DCC: variants seen among roughly 807,000 people sequenced by gnomAD.
DCC encodes the protein DCC netrin 1 receptor, also known as netrin receptor DCC.
A neutral mutation model predicts 172.5 loss-of-function variants in DCC; 58 were observed. The observed-to-expected ratio is 0.34, with a 90% CI of 0.27 to 0.42. DCC has a LOEUF of 0.42. DCC is among the 10% of genes least tolerant of loss of function. DCC has a pLI of 1.00. For missense variants in DCC, 1,740 were observed against 1,791.0 expected (o/e 0.97, Z 0.51); for synonymous variants, 709 against 644.5 (o/e 1.10, Z -1.52).
At chr18:53,391,613 GTATT>G (rs1568101875) in intron 16 of DCC, 38 bp from the exon 17 acceptor site, 1 of 1,246,260 alleles carries the variant, frequency 8.0e-7, no homozygotes, top group African/African-American at 1.5e-5. Flanking sequence ...TTTTATTTAC[GTATT>G]TATTTGTTTG....
intron 15 of DCC, among the ~76,000 whole-genome samples, chr18:53,349,724 T>G (rs948382132): frequency 6.6e-6 from 1 of 152,132 alleles, no homozygotes; most frequent in Non-Finnish European, 1.5e-5. Context: ...ACTCCCTTTT[T>G]TAAAACCATC....
intron 2 of DCC, among the ~76,000 whole-genome samples, chr18:52,774,979 C>T (rs2037404110): frequency 6.6e-6 from 1 of 152,122 alleles, no homozygotes; most frequent in African/African-American, 2.4e-5. Context: ...GAGAGAAAGT[C>T]TGGGGCTTTT....
intron 12 of DCC, among the ~76,000 whole-genome samples, chr18:53,252,605 T>C (rs1374086893): frequency 1.3e-5 from 2 of 151,908 alleles, no homozygotes; most frequent in African/African-American, 4.8e-5. Context: ...ATAGCAACAA[T>C]GAGGTGTGAA....
intron 15 of DCC, among the ~76,000 whole-genome samples, chr18:53,372,415 T>C (rs2058068358): frequency 6.6e-6 from 1 of 151,826 alleles, no homozygotes; most frequent in African/African-American, 2.4e-5. Context: ...AGTAAGAACA[T>C]ATGAACACAA....
At chr18:53,370,163 T>C (rs1198012226) in intron 15 of DCC, among the ~76,000 whole-genome samples, 4 of 151,826 alleles carry the variant, frequency 2.6e-5, no homozygotes, top group Non-Finnish European at 4.4e-5. Context: ...GATTTTCTAT[T>C]GTGATTTAGT....
chr18:53,376,261 G>A (rs1236564364), intron 15 of DCC, among the ~76,000 whole-genome samples: 1 of 152,000 alleles, frequency 6.6e-6, no homozygotes, highest in East Asian at 1.9e-4. Context: ...GTGGGTGCCT[G>A]TACTCCCAGC....
intron 2 of DCC, among the ~76,000 whole-genome samples, chr18:52,830,970 T>C (rs1228121260): frequency 1.3e-5 from 2 of 152,064 alleles, no homozygotes; most frequent in African/African-American, 4.8e-5. Context: ...ATGAGTGTAA[T>C]GAAGAAACTA....
chr18:53,465,641 A>T (rs1487620672), intron 24 of DCC, among the ~76,000 whole-genome samples: 1 of 152,056 alleles, frequency 6.6e-6, no homozygotes, highest in Non-Finnish European at 1.5e-5. Context: ...CAAATTTTGG[A>T]AATATCAGCC....
intron 13 of DCC, among the ~76,000 whole-genome samples, chr18:53,318,590 C>T (rs1599019652): frequency 6.6e-6 from 1 of 152,236 alleles, no homozygotes; most frequent in South Asian, 2.1e-4. Flanking sequence ...GTGTTAAAGT[C>T]TCTCACTATT....
intron 15 of DCC, among the ~76,000 whole-genome samples, chr18:53,344,863 T>C (rs1236590162): frequency 6.8e-6 from 1 of 147,628 alleles, no homozygotes; most frequent in Non-Finnish European, 1.5e-5. Flanking sequence ...CCAGCCTGGG[T>C]GACAGAGCAA....
At chr18:52,750,218 A>G (rs887716654) in intron 1 of DCC, among the ~76,000 whole-genome samples, 1 of 152,200 alleles carries the variant, frequency 6.6e-6, no homozygotes, top group Non-Finnish European at 1.5e-5. Context: ...TTTGCAGATG[A>G]AGGAACTGAG....
At chr18:52,907,673 C>T (rs1486697140) in intron 3 of DCC, among the ~76,000 whole-genome samples, 1 of 152,162 alleles carries the variant, frequency 6.6e-6, no homozygotes, top group Non-Finnish European at 1.5e-5. Flanking sequence ...GCCTCAGCCT[C>T]CGCCTCCCAA....
In DCC at chr18:52,636,317, C is replaced by T. The variant is rs551123000; in HGVS notation, c.92-115737C>T. 5.9e-5 allele frequency among the ~76,000 whole-genome samples: 9 copies of T among 152,108 alleles called. No individual in the cohort carries two copies. In the South Asian group the frequency reaches 1.0e-3, roughly 18 times the overall value. On this transcript the variant is annotated intron_variant, in intron 1 of 28. Coordinates refer to ENST00000442544, the MANE Select transcript of DCC (RefSeq NM_005215.4). The stretch of plus-strand genomic sequence containing the variant: ...TAGATGAACTTTGTAAAAATTTGAA[C>T]GGGGTGAGAAGCCTCCTGGACAGAA...
rs1323317963 is a variant in DCC at position 53,530,913 on chromosome 18, G to T, written c.*260G>T. The T allele has an allele frequency of 3.5e-6, 2 of 571,530 alleles. No individual in the cohort carries two copies. Among genetic ancestry groups the T allele is most frequent in the African/African-American group, 1.9e-5 (1 of 53,468 alleles). 35.4% of individuals were successfully genotyped at this position (571,530 alleles called of 1,614,324 possible). On this transcript the variant is annotated 3_prime_UTR_variant, in exon 29 of 29. Coordinates refer to ENST00000442544, the MANE Select transcript of DCC (RefSeq NM_005215.4). Reference sequence around the variant, plus strand: ...TTTTCACTGCAATGTCAAAGTTTAAGCTGCTAGAATAGTCATGGGCCTTTG... The same window carrying T: ...TTTTCACTGCAATGTCAAAGTTTAATCTGCTAGAATAGTCATGGGCCTTTG...
In DCC at chr18:53,487,062, C is replaced by T. The variant is rs925742275; in HGVS notation, c.3898+104C>T. The T allele has an allele frequency of 1.6e-5, 23 of 1,430,724 alleles. No individual in the cohort carries two copies. The African/African-American group carries it at 3.2e-4, about 20-fold the overall frequency. The allele number at this position is 1,430,724 out of a possible 1,614,324, so 88.6% of individuals were successfully genotyped here. A position where few individuals can be genotyped will look rare whatever the true frequency, so the allele number is the denominator to read the frequency against. ...CCTTATCCCTTAGAAAAGTTGATTT[C>T]CCTATGACTGTGGTACTAGAATGTT... On this transcript the variant is annotated intron_variant, in intron 26 of 28. Coordinates refer to ENST00000442544, the MANE Select transcript of DCC (RefSeq NM_005215.4).
Position 52,822,743 on chromosome 18 carries a change from A to C in DCC, c.412+70369A>C, listed in dbSNP as rs762259890. 5.3e-4 allele frequency among the ~76,000 whole-genome samples: 81 copies of C among 152,298 alleles called. 1 individual carries two copies. Among genetic ancestry groups the C allele is most frequent in the East Asian group, 5.8e-4 (3 of 5,184 alleles). On this transcript the variant is annotated intron_variant, in intron 2 of 28. Transcript: ENST00000442544. ...TTTTTAGTATTAAGGTTGTGAAATT[A>C]AGGTTGTCTTTAGGATTAAGGTTGT...
At chr18:52,491,773 T>G (rs1295114002) in intron 1 of DCC, among the ~76,000 whole-genome samples, 1 of 152,052 alleles carries the variant, frequency 6.6e-6, no homozygotes, top group Non-Finnish European at 1.5e-5. Context: ...CTTAGGAAGT[T>G]TACTTGAGTA....
chr18:52,448,326 C>T (rs1276066327), intron 1 of DCC, among the ~76,000 whole-genome samples: 3 of 152,180 alleles, frequency 2.0e-5, no homozygotes, highest in Admixed American at 2.0e-4. Flanking sequence ...AATTCGGTCC[C>T]TCATGCCAAA....
At chr18:52,654,662 C>T (rs1164869826) in intron 1 of DCC, among the ~76,000 whole-genome samples, 1 of 152,114 alleles carries the variant, frequency 6.6e-6, no homozygotes, top group Non-Finnish European at 1.5e-5. Context: ...TTTGCTTTAA[C>T]TTAATCACAA....
Sources: allele counts gnomAD v4.1 joint callset (sites outside exome capture counted in the v4.1 genomes callset), GRCh38; gene constraint gnomAD v4.1.1; transcripts MANE v1.5; gene names NCBI Gene and HGNC (gene_info 2026-07-23, HGNC 2026-07-21).